WWP2: variants seen among roughly 807,000 people sequenced by gnomAD.
The protein encoded by WWP2 is WW domain containing E3 ubiquitin protein ligase 2, also known as NEDD4-like E3 ubiquitin-protein ligase WWP2.
Under a neutral mutation model 121.0 loss-of-function variants are expected in WWP2, and 57 were observed. The observed-to-expected ratio is 0.47, with a 90% CI of 0.38 to 0.59. The LOEUF (loss-of-function observed/expected upper bound fraction) is 0.59. Among genes scored for constraint, WWP2 ranks in the 20% least tolerant of loss-of-function variants. The probability of loss-of-function intolerance (pLI) is 0.00; values close to 1 mark genes in which losing one functional copy is unlikely to be tolerated. For synonymous variants in WWP2, 449 were observed against 441.3 expected, an observed-to-expected ratio of 1.02 and a Z score of -0.22; for missense variants, 962 against 1,158.9, an observed-to-expected ratio of 0.83 and a Z score of 2.47.
At chr16:69,902,332 A>T (rs1368778493) in intron 8 of WWP2, among the ~76,000 whole-genome samples, 1 of 152,196 alleles carries the variant, frequency 6.6e-6, no homozygotes, top group East Asian at 1.9e-4. Context: ...GTTCATATAC[A>T]ACTGAACCAA....
Position 69,842,088 on chromosome 16 carries a change from C to T in WWP2, c.543C>T (p.Pro181=), listed in dbSNP as rs80292286. 5.1e-3 allele frequency: 8,261 copies of T among 1,613,332 alleles called. 30 individuals carry two copies. Among genetic ancestry groups the T allele is most frequent in the Non-Finnish European group, 6.2e-3 (7,324 of 1,179,766 alleles). Residue 181 remains proline, a synonymous_variant, in exon 6 of 24, where the codon CCC becomes CCT. Coordinates refer to ENST00000359154, the MANE Select transcript of WWP2 (RefSeq NM_001270454.2). ...TAVAPENRHQ[P]PSTNCFGGRS... ...TAGCTCCAGAGAACCGGCACCAGCC[C>T]CCCAGCACAAACTGCTTTGGTGGAA...
At chr16:69,896,293 A>G (rs1378609133) in intron 8 of WWP2, among the ~76,000 whole-genome samples, 1 of 151,934 alleles carries the variant, frequency 6.6e-6, no homozygotes, top group Non-Finnish European at 1.5e-5. Flanking sequence ...TAATTTTTGT[A>G]CTTTTTGTAG....
intron 1 of WWP2, among the ~76,000 whole-genome samples, chr16:69,778,135 A>T (rs2055577321): frequency 6.8e-6 from 1 of 147,872 alleles, no homozygotes; most frequent in South Asian, 2.1e-4. Flanking sequence ...AGATACACAC[A>T]CACACACATA....
intron 4 of WWP2, among the ~76,000 whole-genome samples, chr16:69,839,427 G>A (rs530976393): frequency 1.2e-4 from 19 of 152,268 alleles, no homozygotes; most frequent in Admixed American, 5.2e-4. Context: ...CCTGCCTAGG[G>A]CTTGGTGCTT....
chr16:69,783,951 T>C (rs952186642), intron 1 of WWP2, among the ~76,000 whole-genome samples: 2 of 151,968 alleles, frequency 1.3e-5, no homozygotes, highest in African/African-American at 4.8e-5. Flanking sequence ...TGAGATACCA[T>C]CTCTAAAAAA....
chr16:69,773,474 C>A (rs991862593), intron 1 of WWP2, among the ~76,000 whole-genome samples: 2 of 151,808 alleles, frequency 1.3e-5, no homozygotes, highest in African/African-American at 2.4e-5. Flanking sequence ...CCACCACGCC[C>A]AGCCACCTTT....
chr16:69,908,401 CCT>C (rs1181858209), intron 8 of WWP2, among the ~76,000 whole-genome samples: 3 of 152,132 alleles, frequency 2.0e-5, no homozygotes, highest in Non-Finnish European at 4.4e-5. Context: ...GGGAAAGGGT[CCT>C]CAGCTTTCAT....
intron 8 of WWP2, among the ~76,000 whole-genome samples, chr16:69,901,371 C>G (rs796655591): frequency 2.6e-5 from 4 of 152,288 alleles, no homozygotes; most frequent in African/African-American, 9.6e-5. Context: ...AAGTAACCAG[C>G]AAGACATCTT....
chr16:69,875,649 A>G lies in WWP2; in HGVS notation c.703+3718A>G, dbSNP rs1439252133. ...AGCATTTTCACTAGAAGTTGATTCC[A>G]TCTCAAGAAACTGCTTTCTTTGCTC... On this transcript the variant is annotated intron_variant, in intron 7 of 23. Coordinates refer to ENST00000359154, the MANE Select transcript of WWP2 (RefSeq NM_001270454.2). Among the ~76,000 whole-genome samples, 6 of 152,368 alleles carry G rather than the reference A, an allele frequency of 3.9e-5. 1 individual carries two copies. In the South Asian group the frequency reaches 6.2e-4, roughly 16 times the overall value.
chr16:69,886,772 C>G (rs1415540900), intron 7 of WWP2, among the ~76,000 whole-genome samples: 1 of 152,062 alleles, frequency 6.6e-6, no homozygotes, highest in African/African-American at 2.4e-5. Context: ...AACAAAACAA[C>G]CCCTCACCAA....
chr16:69,916,143 T>TAGAG (rs2058476827), intron 9 of WWP2, among the ~76,000 whole-genome samples: 1 of 152,164 alleles, frequency 6.6e-6, no homozygotes, highest in Non-Finnish European at 1.5e-5. Flanking sequence ...CTTGTGTACT[T>TAGAG]ACTAAAGGAT....
chr16:69,908,949 A>T, intron 9 of WWP2, 99 bp downstream of exon 9: 5 of 1,575,968 alleles, frequency 3.2e-6, no homozygotes, highest in Non-Finnish European at 4.3e-6. Flanking sequence ...GTAGCATAGC[A>T]CAGTGACGTT....
At chr16:69,938,247 C>G (rs991355255) in intron 21 of WWP2, among the ~76,000 whole-genome samples, 2 of 151,908 alleles carry the variant, frequency 1.3e-5, no homozygotes, top group African/African-American at 4.8e-5. Flanking sequence ...CTCCTGGGCT[C>G]AAGCAGTCCT....
chr16:69,775,272 C>G (rs902085150), intron 1 of WWP2: 9 of 152,202 alleles, frequency 5.9e-5, no homozygotes, highest in African/African-American at 1.9e-4. Flanking sequence ...TCATATGACC[C>G]GTTTCAGGGG....
intron 8 of WWP2, among the ~76,000 whole-genome samples, chr16:69,898,783 A>C (rs1163810827): frequency 4.6e-5 from 7 of 152,064 alleles, no homozygotes; most frequent in Non-Finnish European, 2.9e-5. Context: ...GGCTCACTGC[A>C]ACCTCTGCCT....
chr16:69,939,541 G>A (rs2058848459), intron 23 of WWP2, 128 bp downstream of exon 23: 1 of 938,488 alleles, frequency 1.1e-6, no homozygotes, highest in Non-Finnish European at 1.6e-6. Flanking sequence ...GGGGTGTTGG[G>A]TTGGAGAGAT....
intron 6 of WWP2, among the ~76,000 whole-genome samples, chr16:69,846,384 AATACATGTTGTATGG>A (rs1293918008): frequency 1.3e-5 from 2 of 152,166 alleles, no homozygotes; most frequent in East Asian, 3.9e-4. Flanking sequence ...AAAGCCAAAC[AATACATGTTGTATGG>A]ATACCTTCAG....
chr16:69,934,768 C>T (rs2058770170), intron 17 of WWP2, among the ~76,000 whole-genome samples: 1 of 151,158 alleles, frequency 6.6e-6, no homozygotes, highest in Non-Finnish European at 1.5e-5. Context: ...TCTTCAGTAC[C>T]TACAGGGCAG....
chr16:69,807,997 T>C (rs2056316014), intron 4 of WWP2, among the ~76,000 whole-genome samples: 1 of 152,112 alleles, frequency 6.6e-6, no homozygotes, highest in Admixed American at 6.6e-5. Flanking sequence ...GTGTTACAAC[T>C]TGAATATGTA....
Sources: allele counts gnomAD v4.1 joint callset (sites outside exome capture counted in the v4.1 genomes callset), GRCh38; gene constraint gnomAD v4.1.1; transcripts MANE v1.5; gene names NCBI Gene and HGNC (gene_info 2026-07-23, HGNC 2026-07-21).